Variants in SEMA3G observed in about 807,000 individuals in gnomAD.
SEMA3G encodes the protein semaphorin-3G.
A neutral mutation model predicts 86.2 loss-of-function variants in SEMA3G; 70 were observed. That is an observed-to-expected ratio of 0.81 (90% confidence interval 0.67 to 0.99). SEMA3G has a LOEUF of 0.99. Among genes scored for constraint, SEMA3G ranks in the 50% least tolerant of loss-of-function variants. SEMA3G has a pLI of 0.00. For synonymous variants in SEMA3G, 416 were observed against 441.4 expected, an observed-to-expected ratio of 0.94 and a Z score of 0.72; for missense variants, 1,002 against 1,072.4, an observed-to-expected ratio of 0.93 and a Z score of 0.92.
chr3:52,444,604 CGCACACAAACACGGCACAT>C (rs1706225607), intron 1 of SEMA3G, among the ~76,000 whole-genome samples: 1 of 141,698 alleles, frequency 7.1e-6, no homozygotes, highest in Non-Finnish European at 1.6e-5. Flanking sequence ...ACAGGGCACA[CGCACACAAACACGGCACAT>C]GCACCCAAAC....
At chr3:52,443,015 C>T in intron 1 of SEMA3G, 108 bp from the exon 2 acceptor site, 1 of 1,543,930 alleles carries the variant, frequency 6.5e-7, no homozygotes, top group South Asian at 1.2e-5. Context: ...GACACACTCA[C>T]ATCTGGAAAA....
chr3:52,435,509 C>A lies in SEMA3G; in HGVS notation c.*94G>T. ...CTGTCTCTAAGAGGCAAACAGACAT[C>A]CTGACCCCTCTGCCCTAGCTGGGTG... On this transcript the variant is annotated 3_prime_UTR_variant, in exon 16 of 16. Coordinates refer to ENST00000231721, the MANE Select transcript of SEMA3G (RefSeq NM_020163.3). 2 of 1,237,790 alleles carry A rather than the reference C, an allele frequency of 1.6e-6. No homozygotes were observed. The highest frequency in any genetic ancestry group is 2.3e-6 in the Non-Finnish European group (2 of 883,080). 76.7% of individuals were successfully genotyped at this position (1,237,790 alleles called of 1,614,324 possible). A position where few individuals can be genotyped will look rare whatever the true frequency, so the allele number is the denominator to read the frequency against.
rs374730105 is a variant in SEMA3G, at chr3:52,438,912, G to A, written c.1509+8C>T. 3 of 1,613,388 alleles carry A rather than the reference G, an allele frequency of 1.9e-6. No individual in the cohort carries two copies. Among genetic ancestry groups the A allele is most frequent in the Non-Finnish European group, 2.5e-6 (3 of 1,179,618 alleles). On this transcript the variant is annotated splice_region_variant and intron_variant, in intron 13 of 15. Transcript: ENST00000231721. ...GGGGTCCAAGAGGAGGGTGGCAGCT[G>A]TTCTTACCCTTTTGACAGAGATCTC...
Position 52,437,523 on chromosome 3 carries a change from T to A in SEMA3G, c.1878+4A>T. ...AGGCTAGAGGCAGGGGTCTCCTCAC[T>A]CACCTGGTCAGGCCCCTCATCCCCT... On this transcript the variant is annotated splice_donor_region_variant and intron_variant, in intron 15 of 15. Transcript: ENST00000231721. The A allele has an allele frequency of 6.2e-7, 1 of 1,610,720 alleles. No homozygotes were observed. The highest frequency in any genetic ancestry group is 8.5e-7 in the Non-Finnish European group (1 of 1,178,552).
intron 12 of SEMA3G, 50 bp from the exon 13 acceptor site, chr3:52,439,011 C>T: frequency 3.8e-6 from 6 of 1,584,174 alleles, no homozygotes; most frequent in Non-Finnish European, 4.3e-6. Flanking sequence ...CAAGACCTGC[C>T]CCTGCACCCC....
rs1559611259 is a variant in SEMA3G at position 52,441,358 on chromosome 3, T to C, written c.719A>G (p.Asn240Ser). 3 of 1,613,890 alleles carry C rather than the reference T, an allele frequency of 1.9e-6. No homozygotes were observed. Among genetic ancestry groups the C allele is most frequent in the Non-Finnish European group, 2.5e-6 (3 of 1,180,010 alleles). The change falls in exon 7 of 16, where the codon AAT becomes AGT. Residue 240 changes from asparagine to serine, a missense_variant. Coordinates refer to ENST00000231721, the MANE Select transcript of SEMA3G (RefSeq NM_020163.3). ...CGAGAAGAAGAAGTACACCTTGTCA[T>C]TGTCCTGGTCAGAGTTCTCAGGGAT... ...ARIPENSDQDNDKVYFFFSET... is the reference protein window; with the variant it reads ...ARIPENSDQDSDKVYFFFSET...
chr3:52,444,445 G>A lies in SEMA3G; in HGVS notation c.115+468C>T, dbSNP rs144573179. The stretch of plus-strand genomic sequence containing the variant: ...CCCAAGAGCCCAAGCCACCCAAACA[G>A]GGCACACGCACACAAACAGGGCACA... On this transcript the variant is annotated intron_variant, in intron 1 of 15. Coordinates refer to ENST00000231721, the MANE Select transcript of SEMA3G (RefSeq NM_020163.3). Among the ~76,000 whole-genome samples, 373 of 151,550 alleles carry A rather than the reference G, an allele frequency of 2.5e-3. 1 individual carries two copies. Among genetic ancestry groups the A allele is most frequent in the African/African-American group, 8.6e-3 (356 of 41,270 alleles).
At chr3:52,443,843 A>G (rs1048823673) in intron 1 of SEMA3G, among the ~76,000 whole-genome samples, 2 of 152,146 alleles carry the variant, frequency 1.3e-5, no homozygotes, top group Non-Finnish European at 2.9e-5. Context: ...CATCTCCCCC[A>G]GCAGACTGGG....
chr3:52,441,118 C>A, intron 7 of SEMA3G, 70 bp from the exon 8 acceptor site: 1 of 1,474,872 alleles, frequency 6.8e-7, no homozygotes, highest in East Asian at 2.3e-5. Context: ...CTCTTCTACC[C>A]TCACCCACTC....
At chr3:52,439,824 CA>C (rs774172675) in intron 11 of SEMA3G, 42 bp downstream of exon 11, 2 of 1,610,830 alleles carry the variant, frequency 1.2e-6, no homozygotes, top group African/African-American at 1.3e-5. Flanking sequence ...CCAGAGACCC[CA>C]CACCCCTCTC....
chr3:52,440,470 C>T lies in SEMA3G; in HGVS notation c.1050G>A (p.Trp350Ter), dbSNP rs1174493842. 6.2e-7 allele frequency: 1 copy of T among 1,611,750 alleles called. No individual in the cohort carries two copies. The highest frequency in any genetic ancestry group is 8.5e-7 in the Non-Finnish European group (1 of 1,179,510). The change falls in exon 10 of 16, where the codon TGG (tryptophan) becomes TGA (stop). Residue 350 changes from tryptophan (W) to a stop codon, truncating the protein, a stop_gained. Transcript: ENST00000231721. LOFTEE classifies it high-confidence loss of function. ...AVCVYHMADI[W>*]EVFNGPFAHR... ...GGGCAAAGGGCCCGTTGAAAACCTCCCAGATGTCTGCCATGTGGTACACAC... is the reference window on the plus strand; with the variant it reads ...GGGCAAAGGGCCCGTTGAAAACCTCTCAGATGTCTGCCATGTGGTACACAC...
At chr3:52,443,479 C>T (rs1276692884) in intron 1 of SEMA3G, among the ~76,000 whole-genome samples, 1 of 152,130 alleles carries the variant, frequency 6.6e-6, no homozygotes, top group Non-Finnish European at 1.5e-5. Flanking sequence ...GAGATGAGAG[C>T]GGGGAGCTGT....
In SEMA3G at chr3:52,442,119, T is replaced by A; in HGVS notation, c.459+66A>T. Reference sequence around the variant, plus strand: ...TGTCCCTACCCAGGCTCAATGGGAATGTTCAGGCAGCAGGGAGGAAATGTC... The same window carrying A: ...TGTCCCTACCCAGGCTCAATGGGAAAGTTCAGGCAGCAGGGAGGAAATGTC... On this transcript the variant is annotated intron_variant, in intron 4 of 15. Transcript: ENST00000231721. This position sits in a 1 kb window ranked among gnomAD's most constrained non-coding sequence, Gnocchi z 6.1. 2 of 1,551,252 alleles carry A rather than the reference T, an allele frequency of 1.3e-6. No homozygotes were observed. Among genetic ancestry groups the A allele is most frequent in the Non-Finnish European group, 1.7e-6 (2 of 1,145,118 alleles).
At chr3:52,439,090 G>T in intron 12 of SEMA3G, 129 bp from the exon 13 acceptor site, 1 of 933,750 alleles carries the variant, frequency 1.1e-6, no homozygotes, top group Non-Finnish European at 1.6e-6. Flanking sequence ...GCACTCCCTG[G>T]CAGCTAAGGC....
In SEMA3G at chr3:52,441,702, G is replaced by A; in HGVS notation, c.551-12C>T. 1.2e-6 allele frequency: 2 copies of A among 1,610,256 alleles called. No homozygotes were observed. The highest frequency in any genetic ancestry group is 1.7e-6 in the Non-Finnish European group (2 of 1,176,932). ...GTACAGCTCCCCGTCTGGGGTGGGG[G>A]TTGGGGAACAGAGTCAGGGGAGGAG... is the stretch of plus-strand genomic sequence containing the variant. On this transcript the variant is annotated splice_polypyrimidine_tract_variant and intron_variant, in intron 5 of 15. Coordinates refer to ENST00000231721, the MANE Select transcript of SEMA3G (RefSeq NM_020163.3).
rs775174773 is a variant in SEMA3G, at chr3:52,439,700, C to G, written c.1447G>C (p.Glu483Gln). Residue 483 changes from glutamate (E) to glutamine (Q), a missense_variant, in exon 12 of 16, where the codon GAG (glutamate) becomes CAG (glutamine). Physicochemically the swap from Glu to Gln is conservative, Grantham distance 29. Transcript: ENST00000231721. The stretch of plus-strand genomic sequence containing the variant: ...CTTACCTTAAACACCTGGAGCTCCT[C>G]CAGAACCACTTCCTCAGGTTCAGCT... ...GSAEPEEVVL[E>Q]ELQVFKVPTP... The G allele has an allele frequency of 6.2e-7, 1 of 1,613,984 alleles. No homozygotes were observed. The highest frequency in any genetic ancestry group is 2.2e-5 in the East Asian group (1 of 44,864).
Position 52,435,773 on chromosome 3 carries a change from C to T in SEMA3G, c.2179G>A (p.Glu727Lys). 6.2e-7 allele frequency: 1 copy of T among 1,614,150 alleles called. No homozygotes were observed. The highest frequency in any genetic ancestry group is 1.6e-4 in the Middle Eastern group (1 of 6,062). ...ANLPRVDEYCERVWCRGTTEC... is the reference protein window; with the variant it reads ...ANLPRVDEYCKRVWCRGTTEC... ...GTGGTGCCCCTGCACCACACGCGCT[C>T]ACAGTACTCATCCACCCGGGGCAGG... Residue 727 changes from glutamate (E) to lysine (K), a missense_variant, in exon 16 of 16, where the codon GAG becomes AAG. Physicochemically the swap from Glu to Lys is moderately conservative, Grantham distance 56 (BLOSUM62 1). Transcript: ENST00000231721.
At chr3:52,441,197 G>A (rs1282750574) in intron 7 of SEMA3G, 67 bp downstream of exon 7, 56 of 1,568,188 alleles carry the variant, frequency 3.6e-5, no homozygotes, top group Non-Finnish European at 4.8e-5. Flanking sequence ...GGGGTGGGGG[G>A]AGAAAGGTCT....
At position 52,440,978 on chromosome 3, in the gene SEMA3G, G is replaced by A. The variant is rs1246718348; in HGVS notation, c.884C>T (p.Ser295Leu). 5.0e-6 allele frequency: 8 copies of A among 1,607,052 alleles called. No individual in the cohort carries two copies. The highest frequency in any genetic ancestry group is 5.1e-6 in the Non-Finnish European group (6 of 1,179,476). The change falls in exon 8 of 16, where the codon TCG (serine) becomes TTG (leucine). Residue 295 changes from serine (S) to leucine (L), a missense_variant. Physicochemically the swap from Ser to Leu is moderately radical, Grantham distance 145. Coordinates refer to ENST00000231721, the MANE Select transcript of SEMA3G (RefSeq NM_020163.3). ...STFLKARLVC[S>L]VPGPGGAETH... ...CTCGGCACCACCAGGGCCGGGCACC[G>A]AGCAGACCAGCCTGGCCTTGAGGAA... is the stretch of plus-strand genomic sequence containing the variant.
Sources: allele counts gnomAD v4.1 joint callset (sites outside exome capture counted in the v4.1 genomes callset), GRCh38; gene constraint gnomAD v4.1.1; non-coding constraint Gnocchi (gnomAD v3.1); transcripts MANE v1.5; gene names NCBI Gene and HGNC (gene_info 2026-07-23, HGNC 2026-07-21).